DMRT1: variants seen among roughly 807,000 people sequenced by gnomAD.
The protein encoded by DMRT1 is doublesex- and mab-3-related transcription factor 1.
DMRT1 carries 7 observed loss-of-function variants against 32.3 expected under a neutral mutation model. The observed-to-expected ratio is 0.22, with a 90% confidence interval of 0.12 to 0.41. The LOEUF (loss-of-function observed/expected upper bound fraction) is 0.41. Among genes scored for constraint, DMRT1 ranks in the 10% least tolerant of loss-of-function variants. The pLI, the probability that DMRT1 is intolerant of heterozygous loss-of-function variation, is 1.00. For missense variants in DMRT1, 625 were observed against 500.5 expected, an observed-to-expected ratio of 1.25 and a Z score of -2.37; for synonymous variants, 278 against 206.1, an observed-to-expected ratio of 1.35 and a Z score of -2.99.
intron 4 of DMRT1, among the ~76,000 whole-genome samples, chr9:951,194 ATTTAT>A (rs1819416318): frequency 6.6e-6 from 1 of 152,144 alleles, no homozygotes; most frequent in Non-Finnish European, 1.5e-5. Context: ...CAAAAAATAA[ATTTAT>A]TTTAATATAT....
chr9:869,045 C>T (rs149440645), intron 2 of DMRT1, among the ~76,000 whole-genome samples: 1,745 of 152,144 alleles, frequency 0.011, 32 homozygotes, highest in East Asian at 0.063. Context: ...AAGTTAGCAT[C>T]CTTTATATTA....
intron 2 of DMRT1, among the ~76,000 whole-genome samples, chr9:883,447 T>C (rs1350858489): frequency 6.6e-6 from 1 of 151,752 alleles, no homozygotes; most frequent in East Asian, 1.9e-4. Context: ...ATGAAATCAG[T>C]CATCATCGAA....
At chr9:863,878 T>C (rs1363714448) in intron 2 of DMRT1, among the ~76,000 whole-genome samples, 1 of 152,198 alleles carries the variant, frequency 6.6e-6, no homozygotes, top group African/African-American at 2.4e-5. Flanking sequence ...CCTTTGCCCA[T>C]TTCTCTATTG....
At chr9:895,947 G>T (rs1296398855) in intron 3 of DMRT1, among the ~76,000 whole-genome samples, 2 of 151,756 alleles carry the variant, frequency 1.3e-5, no homozygotes, top group Non-Finnish European at 2.9e-5. Context: ...TGGGACTACA[G>T]GCACGCGCCA....
chr9:959,807 C>T (rs1586667104), intron 4 of DMRT1, among the ~76,000 whole-genome samples: 1 of 152,154 alleles, frequency 6.6e-6, no homozygotes, highest in Non-Finnish European at 1.5e-5. Context: ...GGATTACAGG[C>T]GTGACCCACC....
chr9:846,256 C>T (rs933227804), intron 1 of DMRT1, among the ~76,000 whole-genome samples: 1 of 152,092 alleles, frequency 6.6e-6, no homozygotes, highest in Admixed American at 6.5e-5. Flanking sequence ...CGATCTCGAA[C>T]TCCTGACCTC....
intron 4 of DMRT1, among the ~76,000 whole-genome samples, chr9:920,003 C>G (rs1200220703): frequency 6.6e-6 from 1 of 152,028 alleles, no homozygotes; most frequent in African/African-American, 2.4e-5. Context: ...ATTGGGGTTT[C>G]CAATTATTGA....
chr9:882,250 G>C (rs1816761555), intron 2 of DMRT1, among the ~76,000 whole-genome samples: 1 of 152,098 alleles, frequency 6.6e-6, no homozygotes, highest in African/African-American at 2.4e-5. Flanking sequence ...TTTCTCTGGG[G>C]GTGTGAAGGG....
chr9:885,987 C>T (rs78136686), intron 2 of DMRT1, among the ~76,000 whole-genome samples: 6,589 of 152,278 alleles, frequency 0.043, 227 homozygotes, highest in South Asian at 0.13. Flanking sequence ...TGTTATTATT[C>T]ATTAAGCAAT....
At chr9:849,595 A>AG (rs1839050916) in intron 2 of DMRT1, among the ~76,000 whole-genome samples, 1 of 152,210 alleles carries the variant, frequency 6.6e-6, no homozygotes, top group Non-Finnish European at 1.5e-5. Context: ...TACAAAAGGA[A>AG]GCAGTAGGGG....
intron 4 of DMRT1, among the ~76,000 whole-genome samples, chr9:947,783 T>C (rs946765293): frequency 2.6e-5 from 4 of 152,188 alleles, no homozygotes; most frequent in African/African-American, 9.7e-5. Context: ...GGGGACGGTA[T>C]AGCCCTTCAA....
chr9:862,597 C>T (rs970473919), intron 2 of DMRT1, among the ~76,000 whole-genome samples: 1 of 151,972 alleles, frequency 6.6e-6, no homozygotes, highest in African/African-American at 2.4e-5. Context: ...TTGAAGGGAA[C>T]TGGGTGAGAG....
intron 1 of DMRT1, among the ~76,000 whole-genome samples, chr9:846,606 G>A (rs1204509090): frequency 2.6e-5 from 4 of 151,212 alleles, no homozygotes; most frequent in African/African-American, 9.7e-5. Flanking sequence ...TAAGAGACAG[G>A]GTCTTGCTCT....
At chr9:897,949 T>C (rs7859987) in intron 3 of DMRT1, among the ~76,000 whole-genome samples, 119,868 of 152,084 alleles carry the variant, frequency 0.79, 47,350 homozygotes, top group African/African-American at 0.83. Flanking sequence ...AAACATAAAG[T>C]ATAGGTAAAA....
At chr9:927,939 G>A (rs1818581905) in intron 4 of DMRT1, among the ~76,000 whole-genome samples, 1 of 152,242 alleles carries the variant, frequency 6.6e-6, no homozygotes, top group South Asian at 2.1e-4. Flanking sequence ...GGGCAAAGAG[G>A]AGAAACCCAT....
At chr9:846,782 A>G (rs1838924404) in intron 1 of DMRT1, among the ~76,000 whole-genome samples, 178 bp from the exon 2 acceptor site, 1 of 152,070 alleles carries the variant, frequency 6.6e-6, no homozygotes, top group South Asian at 2.1e-4. Context: ...CTGGCTCAAA[A>G]CTGTTTCTCA....
At position 841,733 on chromosome 9, in the gene DMRT1, C is replaced by G; in HGVS notation, c.-106C>G. 3 of 1,545,626 alleles carry G rather than the reference C, an allele frequency of 1.9e-6. No individual in the cohort carries two copies. Among genetic ancestry groups the G allele is most frequent in the Non-Finnish European group, 2.6e-6 (3 of 1,146,550 alleles). ...GCCTCCGGCTGCAGCGCACACGTCT[C>G]CTGCGCCTCCTCCTCCGGAGCGTCG... On this transcript the variant is annotated 5_prime_UTR_variant, in exon 1 of 5. Coordinates refer to ENST00000382276, the MANE Select transcript of DMRT1 (RefSeq NM_021951.3).
chr9:957,445 C>T (rs941030022), intron 4 of DMRT1, among the ~76,000 whole-genome samples: 3 of 152,158 alleles, frequency 2.0e-5, no homozygotes, highest in African/African-American at 7.2e-5. Flanking sequence ...TTCAGAAAAG[C>T]CTACACAGTC....
chr9:946,700 A>T (rs1819257552), intron 4 of DMRT1, among the ~76,000 whole-genome samples: 2 of 152,136 alleles, frequency 1.3e-5, no homozygotes, highest in African/African-American at 4.8e-5. Flanking sequence ...CCAAAATAAA[A>T]CCAGAAAGCA....
Sources: allele counts gnomAD v4.1 joint callset (sites outside exome capture counted in the v4.1 genomes callset), GRCh38; gene constraint gnomAD v4.1.1; transcripts MANE v1.5; gene names NCBI Gene and HGNC (gene_info 2026-07-23, HGNC 2026-07-21).